LCK: variants seen among roughly 807,000 people sequenced by gnomAD.
LCK encodes tyrosine-protein kinase Lck.
A neutral mutation model predicts 64.6 loss-of-function variants in LCK; 14 were observed. That is an observed-to-expected ratio of 0.22 (90% CI 0.14 to 0.34). The LOEUF is 0.34. Among genes scored for constraint, LCK ranks in the 10% least tolerant of loss-of-function variants. The pLI, the probability that LCK is intolerant of heterozygous loss-of-function variation, is 1.00. For missense variants in LCK, 434 were observed against 668.1 expected, an observed-to-expected ratio of 0.65 and a Z score of 3.86; for synonymous variants, 277 against 263.6, an observed-to-expected ratio of 1.05 and a Z score of -0.49.
intron 1 of LCK, among the ~76,000 whole-genome samples, chr1:32,266,616 C>T (rs1355501930): frequency 6.8e-6 from 1 of 148,108 alleles, no homozygotes; most frequent in Admixed American, 6.7e-5. Context: ...CCACCACCAC[C>T]TCCTCTCCTC....
intron 12 of LCK, among the ~76,000 whole-genome samples, chr1:32,282,632 T>C (rs1234321813): frequency 6.6e-6 from 1 of 151,434 alleles, no homozygotes; most frequent in East Asian, 2.0e-4. Flanking sequence ...GGTGAAACCC[T>C]GCCTCTACTA....
At chr1:32,261,739 G>A (rs553933769) in intron 1 of LCK, among the ~76,000 whole-genome samples, 1 of 150,198 alleles carries the variant, frequency 6.7e-6, no homozygotes, top group Non-Finnish European at 1.5e-5. Flanking sequence ...AGATCATGAG[G>A]TCAGGAGTTT....
intron 1 of LCK, among the ~76,000 whole-genome samples, chr1:32,263,738 C>T (rs1025224353): frequency 6.6e-6 from 1 of 151,954 alleles, no homozygotes; most frequent in Non-Finnish European, 1.5e-5. Context: ...TGGTGAAACC[C>T]CATCATTACA....
intron 9 of LCK, 34 bp from the exon 10 acceptor site, chr1:32,279,637 A>C (rs1374004085): frequency 6.2e-7 from 1 of 1,613,910 alleles, no homozygotes; most frequent in Non-Finnish European, 8.5e-7. Context: ...CCCCTGGGGC[A>C]ACTTGGGCCA....
chr1:32,259,343 C>T (rs1639709155), intron 1 of LCK, among the ~76,000 whole-genome samples: 1 of 149,426 alleles, frequency 6.7e-6, no homozygotes, highest in South Asian at 2.1e-4. Flanking sequence ...AGGCTGGGTG[C>T]GGTGGCTCAT....
Position 32,285,955 on chromosome 1 carries a change from C to A in LCK, c.*239C>A. ...ATGTCTTGGACACTGTACAAGGTAC[C>A]CCTTTCTGGCTCTCCCATTTCCTGA... On this transcript the variant is annotated 3_prime_UTR_variant, in exon 13 of 13. Transcript: ENST00000336890. The A allele has an allele frequency of 1.9e-6, 1 of 523,738 alleles. No homozygotes were observed. The highest frequency in any genetic ancestry group is 3.0e-5 in the East Asian group (1 of 33,544). 32.4% of individuals were successfully genotyped at this position (523,738 alleles called of 1,614,324 possible).
chr1:32,252,591 G>A (rs961051710), intron 1 of LCK, among the ~76,000 whole-genome samples: 1 of 152,158 alleles, frequency 6.6e-6, no homozygotes, highest in African/African-American at 2.4e-5. Flanking sequence ...TTCAGGGAGG[G>A]TCATTCACCC....
At chr1:32,284,325 A>C (rs868827394) in intron 12 of LCK, among the ~76,000 whole-genome samples, 26 of 146,952 alleles carry the variant, frequency 1.8e-4, no homozygotes, top group South Asian at 4.2e-4. Flanking sequence ...AGATATATAT[A>C]TGTGAGATAT....
chr1:32,252,211 G>A (rs1639525831), intron 1 of LCK, among the ~76,000 whole-genome samples: 1 of 152,176 alleles, frequency 6.6e-6, no homozygotes, highest in Non-Finnish European at 1.5e-5. Context: ...CATCTGGAAA[G>A]TCACCATTCC....
intron 12 of LCK, 139 bp downstream of exon 12, chr1:32,280,349 C>T: frequency 9.5e-7 from 1 of 1,056,156 alleles, no homozygotes; most frequent in Non-Finnish European, 1.3e-6. Flanking sequence ...GTCCAACGTC[C>T]CCAGGCAGAT....
intron 1 of LCK, among the ~76,000 whole-genome samples, chr1:32,263,402 A>AAAT (rs1553152395): frequency 5.0e-5 from 7 of 141,070 alleles, no homozygotes; most frequent in African/African-American, 8.1e-5. Flanking sequence ...CAAAATAAAT[A>AAAT]AAATAAATAA....
At chr1:32,266,220 C>T (rs569576455) in intron 1 of LCK, among the ~76,000 whole-genome samples, 14 of 151,990 alleles carry the variant, frequency 9.2e-5, no homozygotes, top group South Asian at 2.1e-4. Context: ...TGGCCGGGCA[C>T]GGTGGCTCAC....
intron 1 of LCK, among the ~76,000 whole-genome samples, chr1:32,261,852 C>T (rs1371102920): frequency 6.8e-6 from 1 of 148,090 alleles, no homozygotes; most frequent in African/African-American, 2.5e-5. Context: ...ACTCCGGAGG[C>T]TGAGGCAGGA....
At chr1:32,267,281 G>A (rs1487939197) in intron 1 of LCK, among the ~76,000 whole-genome samples, 2 of 151,964 alleles carry the variant, frequency 1.3e-5, no homozygotes, top group Admixed American at 6.6e-5. Flanking sequence ...GAGTGAATAC[G>A]TACCCTTTTC....
At position 32,285,992 on chromosome 1, in the gene LCK, G is replaced by T; in HGVS notation, c.*276G>T. The T allele has an allele frequency of 2.1e-6, 1 of 476,084 alleles. No homozygotes were observed. The highest frequency in any genetic ancestry group is 3.8e-6 in the Non-Finnish European group (1 of 262,302). The allele number at this position is 476,084 out of a possible 1,614,324, so 29.5% of individuals were successfully genotyped here. A position where few individuals can be genotyped will look rare whatever the true frequency, so the allele number is the denominator to read the frequency against. ...CTCCCATTTCCTGAGACCACAGAGAGAGGGGAGAAGCCTGGGATTGACAGA... is the reference window on the plus strand; with the variant it reads ...CTCCCATTTCCTGAGACCACAGAGATAGGGGAGAAGCCTGGGATTGACAGA... On this transcript the variant is annotated 3_prime_UTR_variant, in exon 13 of 13. Coordinates refer to ENST00000336890, the MANE Select transcript of LCK (RefSeq NM_005356.5).
At position 32,280,005 on chromosome 1, in the gene LCK, G is replaced by A; in HGVS notation, c.1195+11G>A. 2.5e-6 allele frequency: 4 copies of A among 1,614,086 alleles called. No individual in the cohort carries two copies. The highest frequency in any genetic ancestry group is 3.4e-6 in the Non-Finnish European group (4 of 1,179,956). ...ACACAGCCAGGGAGGGTACGTGTGA[G>A]ATTTAAGGGTGGTCTGGGCCCTGCA... On this transcript the variant is annotated intron_variant, in intron 11 of 12. Coordinates refer to ENST00000336890, the MANE Select transcript of LCK (RefSeq NM_005356.5).
intron 1 of LCK, among the ~76,000 whole-genome samples, chr1:32,266,264 G>A (rs981171821): frequency 6.6e-6 from 1 of 151,572 alleles, no homozygotes; most frequent in Non-Finnish European, 1.5e-5. Context: ...AGGCTGAGGC[G>A]GGCAAATCAC....
rs1183424052 is a variant in LCK, at chr1:32,251,706, C to T, written c.-6+335C>T. Among the ~76,000 whole-genome samples, 5 of 152,168 alleles carry T rather than the reference C, an allele frequency of 3.3e-5. No homozygotes were observed. The highest frequency in any genetic ancestry group is 5.9e-5 in the Non-Finnish European group (4 of 68,034). ...TCCCTCAGGCCATGAGGATGAGGCT[C>T]CTGAGGCCCAGAGAGAACAAGGCAC... is the stretch of plus-strand genomic sequence containing the variant. On this transcript the variant is annotated intron_variant, in intron 1 of 12. Transcript: ENST00000336890. This position sits in a 1 kb window ranked among gnomAD's most constrained non-coding sequence, Gnocchi z 4.0.
chr1:32,259,623 A>C (rs1034505860), intron 1 of LCK, among the ~76,000 whole-genome samples: 13 of 148,060 alleles, frequency 8.8e-5, no homozygotes, highest in Non-Finnish European at 1.8e-4. Flanking sequence ...TCATCTAAAA[A>C]AATAAAAATA....
Sources: allele counts gnomAD v4.1 joint callset (sites outside exome capture counted in the v4.1 genomes callset), GRCh38; gene constraint gnomAD v4.1.1; non-coding constraint Gnocchi (gnomAD v3.1); transcripts MANE v1.5; gene names NCBI Gene and HGNC (gene_info 2026-07-23, HGNC 2026-07-21).